The following RASAL2 variants were observed in gnomAD, a reference collection of about 807,000 sequenced individuals.
The protein encoded by RASAL2 is RAS protein activator like 2.
In RASAL2, 58 loss-of-function variants were observed where a neutral mutation model predicts 128.9. The ratio of observed to expected loss-of-function variants is 0.45; its 90% confidence interval spans 0.36 to 0.56. The LOEUF (loss-of-function observed/expected upper bound fraction) is 0.56. Among genes scored for constraint, RASAL2 ranks in the 20% least tolerant of loss-of-function variants. The pLI is 0.00. For missense variants in RASAL2, 1,360 were observed against 1,601.6 expected (o/e 0.85, Z 2.57); for synonymous variants, 561 against 580.8 (o/e 0.97, Z 0.49).
At chr1:178,357,357 T>G (rs1321810111) in intron 3 of RASAL2, among the ~76,000 whole-genome samples, 1 of 152,110 alleles carries the variant, frequency 6.6e-6, no homozygotes, top group Non-Finnish European at 1.5e-5. Context: ...GTGCTTTTTT[T>G]TTTTTCGAAT....
Position 178,458,455 on chromosome 1 carries a change from A to C in RASAL2, c.3163A>C (p.Asn1055His). Residue 1055 changes from asparagine to histidine, a missense_variant, in exon 14 of 18, where the codon AAT (asparagine) becomes CAT (histidine). Physicochemically the swap from Asn to His is moderately conservative, Grantham distance 68 (BLOSUM62 1). This residue lies in a region of RASAL2 where 741 missense variants were observed against 868.6 expected (regional missense o/e 0.85). Coordinates refer to ENST00000367649, the MANE Select transcript of RASAL2 (RefSeq NM_170692.4). ...SAALVAEPVQ[N>H]GSRSRQQSSS... ...AGCCCTGGTGGCCGAACCTGTGCAGAATGGGAGCCGGTCCCGGCAGCAGTC... is the reference window on the plus strand; with the variant it reads ...AGCCCTGGTGGCCGAACCTGTGCAGCATGGGAGCCGGTCCCGGCAGCAGTC... 1 of 1,614,202 alleles carries C rather than the reference A, an allele frequency of 6.2e-7. No homozygotes were observed. Among genetic ancestry groups the C allele is most frequent in the Non-Finnish European group, 8.5e-7 (1 of 1,180,046 alleles).
At chr1:178,454,082 ATG>A (rs1200248097) in intron 11 of RASAL2, among the ~76,000 whole-genome samples, 1 of 151,890 alleles carries the variant, frequency 6.6e-6, no homozygotes, top group Non-Finnish European at 1.5e-5. Context: ...GAAGAAAAAA[ATG>A]TGTAATATAT....
chr1:178,323,820 AG>A, intron 3 of RASAL2, among the ~76,000 whole-genome samples: 1 of 152,360 alleles, frequency 6.6e-6, no homozygotes, highest in Middle Eastern at 3.4e-3. Context: ...AATGAATATT[AG>A]GTTATTTATA....
intron 1 of RASAL2, among the ~76,000 whole-genome samples, chr1:178,151,902 C>T (rs1228468128): frequency 6.6e-6 from 1 of 152,210 alleles, no homozygotes; most frequent in African/African-American, 2.4e-5. Context: ...TGGAGAGGAA[C>T]TTAACATCCT....
At chr1:178,217,006 G>A (rs897317613) in intron 1 of RASAL2, among the ~76,000 whole-genome samples, 13 of 150,066 alleles carry the variant, frequency 8.7e-5, no homozygotes, top group African/African-American at 1.7e-4. Context: ...ACGGAGTTTC[G>A]CTCTTGTTGC....
chr1:178,294,931 A>G (rs554008953), intron 2 of RASAL2, among the ~76,000 whole-genome samples: 1 of 152,334 alleles, frequency 6.6e-6, no homozygotes, highest in Non-Finnish European at 1.5e-5. Flanking sequence ...ACTGAAGTAT[A>G]TTGAAAACAG....
intron 1 of RASAL2, among the ~76,000 whole-genome samples, chr1:178,182,687 T>C (rs1458496648): frequency 6.6e-6 from 1 of 152,086 alleles, no homozygotes; most frequent in Non-Finnish European, 1.5e-5. Flanking sequence ...CTCCCACTCA[T>C]TTACTTATTT....
intron 1 of RASAL2, among the ~76,000 whole-genome samples, chr1:178,184,579 A>T (rs936756425): frequency 2.6e-5 from 4 of 152,084 alleles, no homozygotes; most frequent in African/African-American, 9.7e-5. Flanking sequence ...TTGAAATACT[A>T]TTCTTTCTCC....
intron 1 of RASAL2, among the ~76,000 whole-genome samples, chr1:178,132,339 G>A (rs572548825): frequency 1.2e-3 from 186 of 151,634 alleles, no homozygotes; most frequent in African/African-American, 4.1e-3. Context: ...TTATAGGTGT[G>A]AGCCACTGTG....
At position 178,473,913 on chromosome 1, in the gene RASAL2, G is replaced by A. The variant is rs1426892027; in HGVS notation, c.*674G>A. 4.6e-5 allele frequency: 7 copies of A among 152,406 alleles called. No homozygotes were observed. The highest frequency in any genetic ancestry group is 1.3e-4 in the Admixed American group (2 of 15,286). The allele number at this position is 152,406 out of a possible 1,614,324, so 9.4% of individuals were successfully genotyped here. On this transcript the variant is annotated 3_prime_UTR_variant, in exon 18 of 18. Transcript: ENST00000367649. ...GCTGTTGCATCAAAACTGGACTTTA[G>A]GAGTAATTTCTATTGAACTCCTGTC...
intron 3 of RASAL2, among the ~76,000 whole-genome samples, chr1:178,347,941 C>T (rs1670235613): frequency 6.6e-6 from 1 of 152,186 alleles, no homozygotes; most frequent in African/African-American, 2.4e-5. Flanking sequence ...TTGTGGTTTG[C>T]TTATAAAATG....
At chr1:178,404,046 G>A (rs954591821) in intron 4 of RASAL2, among the ~76,000 whole-genome samples, 7 of 150,512 alleles carry the variant, frequency 4.7e-5, no homozygotes, top group South Asian at 2.1e-4. Flanking sequence ...CCAACATGCC[G>A]AAACCCCATC....
chr1:178,189,608 A>G (rs770308550), intron 1 of RASAL2, among the ~76,000 whole-genome samples: 4 of 152,204 alleles, frequency 2.6e-5, no homozygotes, highest in East Asian at 1.9e-4. Context: ...ACACAACCCA[A>G]TGACCTCGCA....
chr1:178,146,088 T>C (rs1415840605), intron 1 of RASAL2, among the ~76,000 whole-genome samples: 1 of 152,236 alleles, frequency 6.6e-6, no homozygotes, highest in Non-Finnish European at 1.5e-5. Flanking sequence ...TGATAGGTAA[T>C]TCTGCAAATT....
At chr1:178,256,748 A>G (rs1433201575) in intron 1 of RASAL2, among the ~76,000 whole-genome samples, 1 of 152,090 alleles carries the variant, frequency 6.6e-6, no homozygotes, top group Non-Finnish European at 1.5e-5. Context: ...ATCTCGGCTC[A>G]TTGCAACCTC....
At chr1:178,359,175 T>G (rs1670977772) in intron 3 of RASAL2, among the ~76,000 whole-genome samples, 1 of 152,160 alleles carries the variant, frequency 6.6e-6, no homozygotes. Context: ...TGTCAACACG[T>G]TTTTTGTTTT....
intron 1 of RASAL2, among the ~76,000 whole-genome samples, chr1:178,140,459 CCT>C (rs1291874897): frequency 1.3e-5 from 2 of 152,052 alleles, no homozygotes; most frequent in African/African-American, 4.8e-5. Context: ...CTGAAAATAC[CCT>C]GTGTTTCTCC....
chr1:178,410,583 C>T (rs1055818917), intron 4 of RASAL2, among the ~76,000 whole-genome samples: 10 of 151,982 alleles, frequency 6.6e-5, no homozygotes, highest in African/African-American at 2.2e-4. Flanking sequence ...AATAAACAGA[C>T]AACCCACAGG....
chr1:178,135,681 A>G (rs569318354), intron 1 of RASAL2, among the ~76,000 whole-genome samples: 28 of 152,308 alleles, frequency 1.8e-4, no homozygotes, highest in Admixed American at 8.5e-4. Context: ...TGATAAAGAC[A>G]TACCTGAGAC....
Sources: allele counts gnomAD v4.1 joint callset (sites outside exome capture counted in the v4.1 genomes callset), GRCh38; gene constraint gnomAD v4.1.1; regional missense constraint gnomAD v4.1.1; transcripts MANE v1.5; gene names NCBI Gene and HGNC (gene_info 2026-07-23, HGNC 2026-07-21).